Variants in UPP2 observed in about 807,000 individuals in gnomAD.
UPP2 encodes the protein uridine phosphorylase 2, also known as UPase 2.
A neutral mutation model predicts 26.7 loss-of-function variants in UPP2; 23 were observed. The ratio of observed to expected loss-of-function variants is 0.86; its 90% CI spans 0.62 to 1.22. The LOEUF (loss-of-function observed/expected upper bound fraction) is 1.22. Ranked by LOEUF, UPP2 falls within the 50% of genes most tolerant of loss-of-function variation. UPP2 has a pLI of 0.00. For missense variants in UPP2, 387 were observed against 396.7 expected, an observed-to-expected ratio of 0.98 and a Z score of 0.21; for synonymous variants, 127 against 141.3, an observed-to-expected ratio of 0.90 and a Z score of 0.72.
intron 3 of UPP2, among the ~76,000 whole-genome samples, chr2:158,034,547 G>T (rs1368131050): frequency 6.6e-6 from 1 of 152,188 alleles, no homozygotes. Context: ...CAGACAGAGG[G>T]CCTTGAGTGA....
At chr2:158,050,470 C>T (rs1025896484) in intron 3 of UPP2, among the ~76,000 whole-genome samples, 1 of 151,790 alleles carries the variant, frequency 6.6e-6, no homozygotes, top group African/African-American at 2.4e-5. Context: ...TAATTATAAC[C>T]ATCAAATTTC....
chr2:158,071,805 C>G (rs944735370), intron 3 of UPP2, among the ~76,000 whole-genome samples: 1 of 151,954 alleles, frequency 6.6e-6, no homozygotes, highest in Admixed American at 6.6e-5. Context: ...CCCTTCAGCC[C>G]CAAATAACTA....
At chr2:158,073,277 AT>A (rs1465344476) in intron 3 of UPP2, among the ~76,000 whole-genome samples, 1 of 152,076 alleles carries the variant, frequency 6.6e-6, no homozygotes, top group East Asian at 1.9e-4. Flanking sequence ...CTGTTTGAAA[AT>A]GTATAGTCAA....
At chr2:158,030,838 C>T (rs1683910321) in intron 3 of UPP2, among the ~76,000 whole-genome samples, 1 of 152,184 alleles carries the variant, frequency 6.6e-6, no homozygotes, top group South Asian at 2.1e-4. Flanking sequence ...ACCTGAGGCA[C>T]ATCTATTAAA....
intron 3 of UPP2, among the ~76,000 whole-genome samples, chr2:158,057,590 T>A (rs1682267336): frequency 6.6e-6 from 1 of 152,098 alleles, no homozygotes; most frequent in South Asian, 2.1e-4. Context: ...CTTATTAATA[T>A]CCTATATTAC....
chr2:158,084,351 AT>A (rs1036959154), intron 3 of UPP2, among the ~76,000 whole-genome samples: 2 of 150,064 alleles, frequency 1.3e-5, no homozygotes, highest in South Asian at 2.1e-4. Flanking sequence ...TTTTGATGGG[AT>A]TTTTTTTTCT....
At chr2:158,099,360 G>A (rs1248468966), upstream of UPP2, among the ~76,000 whole-genome samples, 2 of 152,176 alleles carry the variant, frequency 1.3e-5, no homozygotes, top group African/African-American at 4.8e-5. Flanking sequence ...CTGAATGGAA[G>A]AGCCAGGGAA....
At chr2:158,132,045 C>A (rs754626963) in intron 6 of UPP2, among the ~76,000 whole-genome samples, 15 of 152,188 alleles carry the variant, frequency 9.9e-5, no homozygotes, top group Non-Finnish European at 1.0e-4. Context: ...GGACTTTCAA[C>A]TTTTCTGTGC....
chr2:158,070,730 A>G (rs1682525456), intron 3 of UPP2, among the ~76,000 whole-genome samples: 1 of 152,276 alleles, frequency 6.6e-6, no homozygotes, highest in Non-Finnish European at 1.5e-5. Context: ...GAGGAGTCAC[A>G]GTACCTGGAT....
At chr2:158,067,232 T>C (rs1487049097) in intron 3 of UPP2, among the ~76,000 whole-genome samples, 2 of 152,070 alleles carry the variant, frequency 1.3e-5, no homozygotes, top group Non-Finnish European at 2.9e-5. Flanking sequence ...TTAAGGTTAG[T>C]TCAACCATAT....
chr2:158,002,414 G>T (rs1296178830), intron 2 of UPP2, among the ~76,000 whole-genome samples: 1 of 152,178 alleles, frequency 6.6e-6, no homozygotes, highest in African/African-American at 2.4e-5. Context: ...TGCAGGCCTG[G>T]CCCAACTCTC....
intron 2 of UPP2, among the ~76,000 whole-genome samples, chr2:158,013,112 G>C (rs1413797997): frequency 6.6e-6 from 1 of 151,810 alleles, no homozygotes; most frequent in Non-Finnish European, 1.5e-5. Flanking sequence ...TCAGTCTCCC[G>C]AGTAGCTAAA....
At chr2:158,022,035 G>GTTT (rs577280511) in intron 3 of UPP2, among the ~76,000 whole-genome samples, 17 of 142,038 alleles carry the variant, frequency 1.2e-4, no homozygotes, top group African/African-American at 3.8e-4. Flanking sequence ...AAAGTCAGCA[G>GTTT]TTTTTTTTTT....
At chr2:158,013,476 G>A (rs1230846591) in intron 2 of UPP2, among the ~76,000 whole-genome samples, 2 of 152,234 alleles carry the variant, frequency 1.3e-5, no homozygotes, top group Non-Finnish European at 2.9e-5. Flanking sequence ...TTCTAGATGT[G>A]GAAAGGCTTG....
At chr2:158,051,543 G>A (rs1387073637) in intron 3 of UPP2, among the ~76,000 whole-genome samples, 2 of 152,152 alleles carry the variant, frequency 1.3e-5, no homozygotes, top group African/African-American at 4.8e-5. Context: ...AGCACTTCGA[G>A]AGGCTTAGGC....
In UPP2 at chr2:158,018,708, T is replaced by C. The variant is rs188879370; in HGVS notation, c.147+2822T>C. On this transcript the variant is annotated intron_variant, in intron 3 of 9. Transcript: ENST00000605860. The stretch of plus-strand genomic sequence containing the variant: ...GAAGAGTCCAAACTAGGTAAACTTT[T>C]AGTGGGACAGAAAAAGGATATCTTT... Among the ~76,000 whole-genome samples, 287 of 152,340 alleles carry C rather than the reference T, an allele frequency of 1.9e-3. 1 individual carries two copies. Among genetic ancestry groups the C allele is most frequent in the African/African-American group, 6.6e-3 (273 of 41,584 alleles).
intron 2 of UPP2, among the ~76,000 whole-genome samples, chr2:157,998,974 C>T (rs545944784): frequency 1.5e-4 from 23 of 152,238 alleles, no homozygotes; most frequent in Non-Finnish European, 2.5e-4. Context: ...GTAGGCTGCA[C>T]GAGGTTGTCC....
chr2:158,070,247 A>T (rs1682517058), intron 3 of UPP2, among the ~76,000 whole-genome samples: 1 of 152,146 alleles, frequency 6.6e-6, no homozygotes. Flanking sequence ...TCATGAATGA[A>T]CCCAAACTGA....
chr2:158,123,884 G>A lies in UPP2; in HGVS notation c.800G>A (p.Cys267Tyr), dbSNP rs971586361. Residue 267 changes from cysteine to tyrosine, a missense_variant, in exon 6 of 7, where the codon TGT becomes TAT. Physicochemically the swap from Cys to Tyr is radical, Grantham distance 194. Transcript: ENST00000005756. ...GTGTTTGCAGCTATGTGTGGACTCTGTGGTCTAAAAGGTAAGCTTTTCGTG... is the reference window on the plus strand; with the variant it reads ...GTGTTTGCAGCTATGTGTGGACTCTATGGTCTAAAAGGTAAGCTTTTCGTG... ...STVFAAMCGL[C>Y]GLKAAVVCVT... The A allele has an allele frequency of 3.7e-6, 6 of 1,612,896 alleles. No homozygotes were observed. Among genetic ancestry groups the A allele is most frequent in the Non-Finnish European group, 5.1e-6 (6 of 1,179,218 alleles).
Sources: allele counts gnomAD v4.1 joint callset (sites outside exome capture counted in the v4.1 genomes callset), GRCh38; gene constraint gnomAD v4.1.1; transcripts MANE v1.5; gene names NCBI Gene and HGNC (gene_info 2026-07-23, HGNC 2026-07-21).